Variants in KLRG1 observed in about 807,000 individuals in gnomAD.
The protein encoded by KLRG1 is killer cell lectin-like receptor subfamily G member 1.
In KLRG1, 16 loss-of-function variants were observed where a neutral mutation model predicts 21.8. The observed-to-expected ratio is 0.73, with a 90% CI of 0.50 to 1.11. The LOEUF (loss-of-function observed/expected upper bound fraction) is 1.11, where lower values mean the gene tolerates loss of function less well. Ranked by LOEUF, KLRG1 falls within the 50% of genes most tolerant of loss-of-function variation. The probability of loss-of-function intolerance (pLI) is 0.00; values close to 1 mark genes in which losing one functional copy is unlikely to be tolerated. For missense variants in KLRG1, 173 were observed against 218.3 expected (o/e 0.79, Z 1.31); for synonymous variants, 69 against 75.9 (o/e 0.91, Z 0.47).
At chr12:9,056,886 A>G in the KLRG1 span, among the ~76,000 whole-genome samples, 1 of 152,224 alleles carries the variant, frequency 6.6e-6, no homozygotes, top group East Asian at 1.9e-4. Context: ...ACTCAACGCT[A>G]TAGTTCTCAC....
the KLRG1 span, among the ~76,000 whole-genome samples, chr12:9,020,863 G>A: frequency 1.3e-5 from 2 of 152,236 alleles, no homozygotes; most frequent in South Asian, 2.1e-4. Flanking sequence ...GAAATGCATC[G>A]TTAGGCAAAT....
the KLRG1 span, chr12:9,076,814 A>G: frequency 6.2e-7 from 1 of 1,613,932 alleles, no homozygotes; most frequent in East Asian, 2.2e-5. Context: ...TGTCCTGGTT[A>G]CCTGCCAGGG....
chr12:8,973,113 C>T (rs946784335), intron 1 of KLRG1, among the ~76,000 whole-genome samples: 13 of 136,588 alleles, frequency 9.5e-5, no homozygotes, highest in Admixed American at 6.4e-4. Context: ...GAGCTGAGAT[C>T]GTGCCATTGC....
chr12:9,149,021 G>A, the KLRG1 span: 5 of 1,604,074 alleles, frequency 3.1e-6, no homozygotes, highest in African/African-American at 6.7e-5. Flanking sequence ...AACGTAAGGA[G>A]GTTGTATCAT....
chr12:9,107,461 A>C, the KLRG1 span: 4 of 1,582,070 alleles, frequency 2.5e-6, no homozygotes, highest in Non-Finnish European at 3.5e-6. Context: ...AAAATGCTGC[A>C]ACTCACTGCT....
chr12:8,982,191 A>G (rs1421406696), intron 1 of KLRG1, among the ~76,000 whole-genome samples: 1 of 152,212 alleles, frequency 6.6e-6, no homozygotes, highest in African/African-American at 2.4e-5. Context: ...ACGTGGGTTC[A>G]AGGTAATTAT....
chr12:9,120,884 T>TGTGTGTGTGTG, the KLRG1 span, among the ~76,000 whole-genome samples: 1 of 150,370 alleles, frequency 6.7e-6, no homozygotes. Context: ...TGTGTGTGTG[T>TGTGTGTGTGTG]ATTTTTTTTT....
the KLRG1 span, among the ~76,000 whole-genome samples, chr12:9,105,770 T>TA: frequency 6.6e-6 from 1 of 152,220 alleles, no homozygotes; most frequent in East Asian, 1.9e-4. Flanking sequence ...ATCCATGAAA[T>TA]AAACATTATT....
the KLRG1 span, among the ~76,000 whole-genome samples, chr12:9,141,971 A>G: frequency 2.0e-5 from 3 of 152,210 alleles, no homozygotes; most frequent in African/African-American, 7.2e-5. Context: ...AGTCCTAATC[A>G]CTTTTAAATT....
the KLRG1 span, among the ~76,000 whole-genome samples, chr12:9,166,708 G>A: frequency 2.6e-5 from 4 of 152,162 alleles, no homozygotes; most frequent in South Asian, 8.3e-4. Context: ...TGTTCTCTGG[G>A]AAATAAGATT....
chr12:8,993,582 T>C (rs924642142), intron 2 of KLRG1, among the ~76,000 whole-genome samples: 3 of 152,168 alleles, frequency 2.0e-5, no homozygotes, highest in Middle Eastern at 3.4e-3. Flanking sequence ...GCCATTGCGC[T>C]CTGCCGATTT....
intron 3 of KLRG1, among the ~76,000 whole-genome samples, chr12:9,002,910 TAC>T (rs59706974): frequency 0.068 from 9,885 of 144,666 alleles, 1,010 homozygotes; most frequent in African/African-American, 0.23. Context: ...CTCTTTCTAA[TAC>T]ACACACACAC....
At chr12:9,127,848 G>A in the KLRG1 span, 1 of 244,480 alleles carries the variant, frequency 4.1e-6, no homozygotes, top group Non-Finnish European at 8.4e-6. Flanking sequence ...GTGAAGATCT[G>A]CGACTGGGCC....
the KLRG1 span, among the ~76,000 whole-genome samples, chr12:9,104,001 T>C: frequency 6.6e-6 from 1 of 152,222 alleles, no homozygotes; most frequent in Non-Finnish European, 1.5e-5. Flanking sequence ...CTGTTTTTCA[T>C]AGTGGCTCCG....
At chr12:9,164,947 T>G in the KLRG1 span, among the ~76,000 whole-genome samples, 1 of 152,220 alleles carries the variant, frequency 6.6e-6, no homozygotes, top group Non-Finnish European at 1.5e-5. Context: ...AGCCGTGATT[T>G]AAGCACCCAT....
At chr12:9,127,160 A>C in the KLRG1 span, among the ~76,000 whole-genome samples, 2 of 152,174 alleles carry the variant, frequency 1.3e-5, no homozygotes, top group South Asian at 4.1e-4. Context: ...CAGTCCTCCT[A>C]GGAATTGATT....
At chr12:9,059,962 G>A in the KLRG1 span, among the ~76,000 whole-genome samples, 61 of 150,734 alleles carry the variant, frequency 4.0e-4, no homozygotes, top group African/African-American at 1.5e-3. Context: ...TGGGGTTACA[G>A]GTGTGAGCCA....
chr12:9,054,767 TAA>T, the KLRG1 span, among the ~76,000 whole-genome samples: 13 of 152,194 alleles, frequency 8.5e-5, no homozygotes, highest in Non-Finnish European at 1.5e-4. Flanking sequence ...TCAATGGTGT[TAA>T]GAGAGGATCT....
the KLRG1 span, chr12:9,101,490 C>T: frequency 6.2e-7 from 1 of 1,613,908 alleles, no homozygotes; most frequent in Non-Finnish European, 8.5e-7. Flanking sequence ...CAGGGTGCCT[C>T]CATTCAGAAT....
Sources: gnomAD v4.1 joint callset for allele counts (sites outside exome capture counted in the v4.1 genomes callset) on GRCh38, gnomAD v4.1.1 for gene constraint, MANE v1.5 for transcripts, NCBI Gene and HGNC (gene_info 2026-07-23, HGNC 2026-07-21) for gene names.